TAFA4: variants seen among roughly 807,000 people sequenced by gnomAD.
TAFA4 encodes the protein TAFA chemokine like family member 4, also known as chemokine-like protein TAFA-4.
A neutral mutation model predicts 21.1 loss-of-function variants in TAFA4; 20 were observed. The ratio of observed to expected loss-of-function variants is 0.95; its 90% CI spans 0.67 to 1.38. The LOEUF is 1.38. TAFA4 is among the 40% of genes most tolerant of loss of function. The probability of loss-of-function intolerance (pLI) is 0.00; values close to 1 mark genes in which losing one functional copy is unlikely to be tolerated. For synonymous variants in TAFA4, 71 were observed against 67.4 expected, an observed-to-expected ratio of 1.05 and a Z score of -0.26; for missense variants, 211 against 180.9, an observed-to-expected ratio of 1.17 and a Z score of -0.95.
At chr3:68,910,941 T>C (rs528105627) in intron 1 of TAFA4, among the ~76,000 whole-genome samples, 4 of 152,230 alleles carry the variant, frequency 2.6e-5, no homozygotes, top group African/African-American at 9.6e-5. Flanking sequence ...AACTCTTACC[T>C]CCTATTAAAC....
chr3:68,733,037 C>T lies in TAFA4; in HGVS notation c.*105G>A. On this transcript the variant is annotated 3_prime_UTR_variant, in exon 6 of 6. Coordinates refer to ENST00000295569, the MANE Select transcript of TAFA4 (RefSeq NM_182522.5). ...GCTCACATATACAAATATGAAGTTG[C>T]TGAAATCCTAGACAATTTTCTGCAA... 2 of 1,499,312 alleles carry T rather than the reference C, an allele frequency of 1.3e-6. No individual in the cohort carries two copies. Among genetic ancestry groups the T allele is most frequent in the Non-Finnish European group, 1.8e-6 (2 of 1,090,886 alleles). The allele number at this position is 1,499,312 out of a possible 1,614,324, so 92.9% of individuals were successfully genotyped here. A position where few individuals can be genotyped will look rare whatever the true frequency, so the allele number is the denominator to read the frequency against.
At chr3:68,780,895 G>A (rs1251940528) in intron 3 of TAFA4, among the ~76,000 whole-genome samples, 49 of 91,844 alleles carry the variant, frequency 5.3e-4, no homozygotes, top group African/African-American at 2.0e-3. Context: ...CATATTCTAG[G>A]ACATAAAAAA....
chr3:68,815,833 TA>T (rs568382363), intron 3 of TAFA4, among the ~76,000 whole-genome samples: 2 of 152,268 alleles, frequency 1.3e-5, no homozygotes, highest in Non-Finnish European at 2.9e-5. Context: ...CAAAGGACTA[TA>T]AAATCATGCT....
intron 3 of TAFA4, among the ~76,000 whole-genome samples, chr3:68,765,751 T>C (rs1380051866): frequency 6.6e-6 from 1 of 152,150 alleles, no homozygotes; most frequent in East Asian, 1.9e-4. Flanking sequence ...ACATCAGCTG[T>C]TGACAGACAT....
intron 3 of TAFA4, among the ~76,000 whole-genome samples, chr3:68,828,612 C>T (rs745755197): frequency 1.2e-4 from 19 of 152,064 alleles, no homozygotes; most frequent in Non-Finnish European, 2.6e-4. Flanking sequence ...AATTTGGATT[C>T]CTAGGTATTT....
intron 3 of TAFA4, among the ~76,000 whole-genome samples, chr3:68,804,553 T>C (rs1053060751): frequency 5.9e-5 from 9 of 152,168 alleles, no homozygotes; most frequent in Admixed American, 6.5e-5. Flanking sequence ...CTTCAAACTA[T>C]ACTACAAGGC....
intron 3 of TAFA4, among the ~76,000 whole-genome samples, chr3:68,784,185 A>G (rs907942154): frequency 6.6e-5 from 10 of 152,246 alleles, no homozygotes; most frequent in Non-Finnish European, 1.0e-4. Context: ...GAAAAGCTTT[A>G]TGATTCAAAG....
rs967613968 is a variant in TAFA4, at chr3:68,732,234, A to T, written c.*908T>A. On this transcript the variant is annotated 3_prime_UTR_variant, in exon 6 of 6. Coordinates refer to ENST00000295569, the MANE Select transcript of TAFA4 (RefSeq NM_182522.5). ...GCTAAGTTAAGAAGAACTCATTTAC[A>T]GTCTAAAAATTCAGCACTGAAAGAC... 6.6e-6 allele frequency: 1 copy of T among 152,606 alleles called. No individual in the cohort carries two copies. Among genetic ancestry groups the T allele is most frequent in the Non-Finnish European group, 1.5e-5 (1 of 68,034 alleles). 9.5% of individuals were successfully genotyped at this position (152,606 alleles called of 1,614,324 possible).
At chr3:68,793,548 T>C (rs1703403117) in intron 3 of TAFA4, among the ~76,000 whole-genome samples, 2 of 152,192 alleles carry the variant, frequency 1.3e-5, no homozygotes, top group Admixed American at 1.3e-4. Flanking sequence ...TTTGAGCTTA[T>C]ATTTGAGCAA....
At chr3:68,905,191 T>C (rs570189578) in intron 1 of TAFA4, among the ~76,000 whole-genome samples, 148 of 148,246 alleles carry the variant, frequency 1.0e-3, no homozygotes, top group Non-Finnish European at 3.0e-4. Flanking sequence ...AGTCTTGCTC[T>C]GTCGCCAGGC....
Position 68,805,708 on chromosome 3 carries a change from A to G in TAFA4, c.131-52690T>C, listed in dbSNP as rs1479943108. Reference sequence around the variant, plus strand: ...TTCTCAGCAAACTATCACAAGGACAAAAAACCAAACACCGCGTGTTCTCAC... The same window carrying G: ...TTCTCAGCAAACTATCACAAGGACAGAAAACCAAACACCGCGTGTTCTCAC... On this transcript the variant is annotated intron_variant, in intron 3 of 5. Transcript: ENST00000295569. Among the ~76,000 whole-genome samples, 3 of 152,114 alleles carry G rather than the reference A, an allele frequency of 2.0e-5. No homozygotes were observed. The East Asian group carries it at 5.8e-4, about 29-fold the overall frequency.
At chr3:68,762,380 G>C (rs1349366965) in intron 3 of TAFA4, among the ~76,000 whole-genome samples, 1 of 152,132 alleles carries the variant, frequency 6.6e-6, no homozygotes, top group African/African-American at 2.4e-5. Flanking sequence ...TGTTAGCCGG[G>C]ATTTTTAAGA....
intron 3 of TAFA4, among the ~76,000 whole-genome samples, chr3:68,775,525 A>G (rs189797695): frequency 3.5e-4 from 54 of 152,266 alleles, no homozygotes; most frequent in Middle Eastern, 6.8e-3. Flanking sequence ...TCAAGTATTG[A>G]ACTTATTCAC....
intron 3 of TAFA4, among the ~76,000 whole-genome samples, chr3:68,845,857 G>T (rs1704777186): frequency 6.6e-6 from 1 of 152,180 alleles, no homozygotes; most frequent in Non-Finnish European, 1.5e-5. Flanking sequence ...CTCTCTTCTG[G>T]ATTGTAGGGT....
At chr3:68,891,524 C>A (rs1486510810) in intron 1 of TAFA4, among the ~76,000 whole-genome samples, 1 of 152,170 alleles carries the variant, frequency 6.6e-6, no homozygotes, top group African/African-American at 2.4e-5. Flanking sequence ...CTGTACTCAG[C>A]CCCTTGAGTA....
chr3:68,813,678 C>T (rs1374183321), intron 3 of TAFA4, among the ~76,000 whole-genome samples: 2 of 152,128 alleles, frequency 1.3e-5, no homozygotes. Context: ...TAATTAATAG[C>T]TTACCAACCA....
At chr3:68,931,789 C>T (rs765840140) in intron 1 of TAFA4, among the ~76,000 whole-genome samples, 3 of 151,966 alleles carry the variant, frequency 2.0e-5, no homozygotes, top group Non-Finnish European at 4.4e-5. Context: ...GGCGGGGGGA[C>T]GCTGACCGGC....
At chr3:68,902,430 T>C (rs1217750401) in intron 1 of TAFA4, among the ~76,000 whole-genome samples, 2 of 152,142 alleles carry the variant, frequency 1.3e-5, no homozygotes, top group Non-Finnish European at 2.9e-5. Flanking sequence ...TGCAGTGGCA[T>C]GATCATGGCT....
chr3:68,753,315 T>C (rs536681685), intron 3 of TAFA4, among the ~76,000 whole-genome samples: 2 of 149,828 alleles, frequency 1.3e-5, no homozygotes, highest in African/African-American at 4.9e-5. Context: ...AGTTTGCAGA[T>C]GTGACTGAGA....
Sources: gnomAD v4.1 joint callset for allele counts (sites outside exome capture counted in the v4.1 genomes callset) on GRCh38, gnomAD v4.1.1 for gene constraint, MANE v1.5 for transcripts, NCBI Gene and HGNC (gene_info 2026-07-23, HGNC 2026-07-21) for gene names.